Variants in WDTC1 observed in about 807,000 individuals in gnomAD.
WDTC1 encodes the protein WD and tetratricopeptide repeats protein 1.
In WDTC1, 12 loss-of-function variants were observed where a neutral mutation model predicts 76.0. That is an observed-to-expected ratio of 0.16 (90% CI 0.10 to 0.26). WDTC1 has a LOEUF of 0.26. Ranked by LOEUF, WDTC1 falls within the 10% of genes least tolerant of loss-of-function variation. WDTC1 has a pLI of 1.00. For missense variants in WDTC1, 511 were observed against 908.8 expected (o/e 0.56, Z 5.63); for synonymous variants, 326 against 350.8 (o/e 0.93, Z 0.79).
intron 3 of WDTC1, among the ~76,000 whole-genome samples, chr1:27,270,899 AT>A (rs905690483): frequency 6.7e-4 from 101 of 151,848 alleles, no homozygotes; most frequent in African/African-American, 2.3e-3. Context: ...GAGCTTTTGA[AT>A]TTTTTTTTAT....
upstream of WDTC1, chr1:27,234,510 G>A (rs1051188977): frequency 2.3e-5 from 8 of 353,976 alleles, no homozygotes; most frequent in African/African-American, 6.3e-5. Context: ...CCGGGCGCGG[G>A]GGGGTAAGTG....
intron 9 of WDTC1, 25 bp from the exon 10 acceptor site, chr1:27,296,301 C>CT: frequency 1.9e-6 from 3 of 1,613,892 alleles, no homozygotes; most frequent in Non-Finnish European, 1.7e-6. Context: ...GCTTCCATCT[C>CT]TTTTTTTGCC....
chr1:27,281,046 A>AG (rs2013172221), intron 3 of WDTC1, among the ~76,000 whole-genome samples: 3 of 151,104 alleles, frequency 2.0e-5, no homozygotes, highest in Non-Finnish European at 3.0e-5. Flanking sequence ...GACCTAATTT[A>AG]CCTTACTGCA....
Position 27,301,151 on chromosome 1 carries a change from G to A in WDTC1, c.1233-75G>A. On this transcript the variant is annotated intron_variant, in intron 12 of 15. Coordinates refer to ENST00000319394, the MANE Select transcript of WDTC1 (RefSeq NM_001276252.2). The surrounding 1 kb of genome is among the most constrained non-coding windows in gnomAD (Gnocchi z 5.8). ...TGGTGGGCTGGGGTGGCCACAGGAAGCAGAGGAGACTGAATGGGGACCCCT... is the reference window on the plus strand; with the variant it reads ...TGGTGGGCTGGGGTGGCCACAGGAAACAGAGGAGACTGAATGGGGACCCCT... The A allele has an allele frequency of 1.5e-6, 2 of 1,351,740 alleles. No homozygotes were observed. The highest frequency in any genetic ancestry group is 3.7e-5 in the Admixed American group (2 of 54,664). 83.7% of individuals were successfully genotyped at this position (1,351,740 alleles called of 1,614,324 possible). A position where few individuals can be genotyped will look rare whatever the true frequency, so the allele number is the denominator to read the frequency against.
chr1:27,283,137 T>TA (rs2013237849), intron 4 of WDTC1, among the ~76,000 whole-genome samples: 1 of 145,126 alleles, frequency 6.9e-6, no homozygotes, highest in African/African-American at 2.6e-5. Context: ...AGACTCCATT[T>TA]CAAAAAAAAA....
chr1:27,256,762 A>G (rs757762444), intron 1 of WDTC1, among the ~76,000 whole-genome samples: 4 of 152,232 alleles, frequency 2.6e-5, no homozygotes, highest in Admixed American at 1.3e-4. Context: ...AGCACCTGGC[A>G]TGTAGTAAAA....
chr1:27,253,420 T>TCCC (rs1208597361), intron 1 of WDTC1, among the ~76,000 whole-genome samples: 4 of 100,986 alleles, frequency 4.0e-5, no homozygotes, highest in African/African-American at 1.2e-4. Flanking sequence ...CTCCTCCTCC[T>TCCC]CCCTCCTCCC....
intron 1 of WDTC1, among the ~76,000 whole-genome samples, chr1:27,236,836 G>GTATT (rs1258183657): frequency 1.3e-5 from 2 of 152,034 alleles, no homozygotes; most frequent in Non-Finnish European, 2.9e-5. Flanking sequence ...ATGTATGTAT[G>GTATT]TATTTATTTA....
At chr1:27,234,503 G>T (rs1425626749), upstream of WDTC1, 7 of 344,756 alleles carry the variant, frequency 2.0e-5, no homozygotes, top group African/African-American at 1.5e-4. Flanking sequence ...ACGTTGACCG[G>T]GCGCGGGGGG....
rs921004470 is a variant in WDTC1 at position 27,297,136 on chromosome 1, G to A, written c.1038G>A (p.Pro346=). ...LHLHSNGFRL[P]ESRGHVSPQV... ...TTCATAGCAATGGCTTCCGGCTGCC[G>A]GAGAGTAGGGGACATGTCAGGTGAG... Residue 346 remains proline (P), a synonymous_variant, in exon 11 of 16, where the codon CCG becomes CCA. Coordinates refer to ENST00000319394, the MANE Select transcript of WDTC1 (RefSeq NM_001276252.2). The A allele has an allele frequency of 5.6e-6, 9 of 1,609,406 alleles. No individual in the cohort carries two copies. Among genetic ancestry groups the A allele is most frequent in the Middle Eastern group, 3.3e-4 (2 of 6,084 alleles).
At chr1:27,264,196 G>A (rs998998792) in intron 3 of WDTC1, among the ~76,000 whole-genome samples, 2 of 152,138 alleles carry the variant, frequency 1.3e-5, no homozygotes, top group East Asian at 3.9e-4. Context: ...GCTAAGGCAC[G>A]AGAATTGCTT....
At chr1:27,280,537 T>A (rs1187085932) in intron 3 of WDTC1, among the ~76,000 whole-genome samples, 1 of 152,240 alleles carries the variant, frequency 6.6e-6, no homozygotes, top group Non-Finnish European at 1.5e-5. Context: ...TAGTAAGTGT[T>A]CTGTTAATTT....
rs143140201 is a variant in WDTC1, at chr1:27,275,638, G to T, written c.133-6601G>T. Among the ~76,000 whole-genome samples, 677 of 150,848 alleles carry T rather than the reference G, an allele frequency of 4.5e-3. 6 individuals are homozygous for T. Among genetic ancestry groups the T allele is most frequent in the African/African-American group, 0.016 (643 of 41,106 alleles). On this transcript the variant is annotated intron_variant, in intron 3 of 15. Coordinates refer to ENST00000319394, the MANE Select transcript of WDTC1 (RefSeq NM_001276252.2). ...GTCTCAAAAAAAAAAAAAAAATAAA[G>T]AAAAAGATGGAGCGGGGATCTGACT...
chr1:27,271,615 GTATTT>G (rs956509507), intron 3 of WDTC1, among the ~76,000 whole-genome samples: 8 of 151,452 alleles, frequency 5.3e-5, no homozygotes, highest in African/African-American at 7.3e-5. Flanking sequence ...TTTACTTTTT[GTATTT>G]TATTTTATTT....
intron 5 of WDTC1, 93 bp from the exon 6 acceptor site, chr1:27,287,581 G>T: frequency 7.2e-7 from 1 of 1,381,870 alleles, no homozygotes. Flanking sequence ...ATCTGACATG[G>T]AGAGAGAAAA....
rs2147995713 is a variant in WDTC1, at chr1:27,303,806, C to G, written c.1643+11C>G. 6.2e-7 allele frequency: 1 copy of G among 1,613,820 alleles called. No individual in the cohort carries two copies. The highest frequency in any genetic ancestry group is 8.5e-7 in the Non-Finnish European group (1 of 1,179,898). ...CAATTTCTTTGGCAGGTCCGAGGCC[C>G]TGAAGAGGAGGGTGCAGCCCAGTTG... is the stretch of plus-strand genomic sequence containing the variant. On this transcript the variant is annotated intron_variant, in intron 14 of 15. Transcript: ENST00000319394. This position sits in a 1 kb window ranked among gnomAD's most constrained non-coding sequence, Gnocchi z 4.8.
At chr1:27,279,220 G>A (rs900768041) in intron 3 of WDTC1, among the ~76,000 whole-genome samples, 3 of 151,972 alleles carry the variant, frequency 2.0e-5, no homozygotes, top group Non-Finnish European at 4.4e-5. Context: ...TATATAATAG[G>A]TGCTTGAATA....
chr1:27,306,204 C>T lies in WDTC1; in HGVS notation c.1855C>T (p.Arg619Ter), dbSNP rs1468036563. 6.2e-7 allele frequency: 1 copy of T among 1,614,056 alleles called. No homozygotes were observed. Among genetic ancestry groups the T allele is most frequent in the Non-Finnish European group, 8.5e-7 (1 of 1,180,000 alleles). The stretch of plus-strand genomic sequence containing the variant: ...ACCACAGAGTGAAGACCTCACAGGC[C>T]GAGTCGTGGAAGATATGGAGGGTGC... ...PRPESEDLTG[R>*]VVEDMEGASQ... The change falls in exon 16 of 16, where the codon CGA becomes TGA. Residue 619 changes from arginine (R) to a stop codon, truncating the protein, a stop_gained. Coordinates refer to ENST00000319394, the MANE Select transcript of WDTC1 (RefSeq NM_001276252.2). LOFTEE classifies it high-confidence loss of function. This position sits in a 1 kb window ranked among gnomAD's most constrained non-coding sequence, Gnocchi z 5.0.
chr1:27,257,877 G>A lies in WDTC1; in HGVS notation c.-99-3079G>A, dbSNP rs138482879. Among the ~76,000 whole-genome samples the A allele has an allele frequency of 4.5e-3, 677 of 152,126 alleles. 6 individuals carry two copies. Among genetic ancestry groups the A allele is most frequent in the African/African-American group, 0.016 (649 of 41,516 alleles). On this transcript the variant is annotated intron_variant, in intron 1 of 15. Transcript: ENST00000319394. ...GCAGACTAGGCTCACTGCAACCTCC[G>A]CCTCCCGGGTTCAAATGATTATCCT...
Sources: allele counts gnomAD v4.1 joint callset (sites outside exome capture counted in the v4.1 genomes callset), GRCh38; gene constraint gnomAD v4.1.1; non-coding constraint Gnocchi (gnomAD v3.1); transcripts MANE v1.5; gene names NCBI Gene and HGNC (gene_info 2026-07-23, HGNC 2026-07-21).